KCNJ3: variants seen among roughly 807,000 people sequenced by gnomAD.
The protein encoded by KCNJ3 is G protein-activated inward rectifier potassium channel 1.
In KCNJ3, 4 loss-of-function variants were observed where a neutral mutation model predicts 39.2. The ratio of observed to expected loss-of-function variants is 0.10; its 90% CI spans 0.05 to 0.23. KCNJ3 has a LOEUF of 0.23. Among genes scored for constraint, KCNJ3 ranks in the 10% least tolerant of loss-of-function variants. KCNJ3 has a pLI of 1.00. For missense variants in KCNJ3, 276 were observed against 634.9 expected, an observed-to-expected ratio of 0.43 and a Z score of 6.08; for synonymous variants, 230 against 237.4, an observed-to-expected ratio of 0.97 and a Z score of 0.29.
chr2:154,850,008 C>CTTTT lies in KCNJ3; in HGVS notation c.920-4686_920-4683dup, dbSNP rs373062062. Among the ~76,000 whole-genome samples the CTTTT allele has an allele frequency of 2.6e-3, 125 of 48,854 alleles. 28 individuals carry two copies. Among genetic ancestry groups the CTTTT allele is most frequent in the African/African-American group, 8.6e-3 (107 of 12,498 alleles). The allele number at this position is 48,854 out of a possible 152,430, so 32.1% of individuals were successfully genotyped here. A position where few individuals can be genotyped will look rare whatever the true frequency, so the allele number is the denominator to read the frequency against. On this transcript the variant is annotated intron_variant, in intron 2 of 2. Transcript: ENST00000295101. Reference sequence around the variant, plus strand: ...TTGCAATGCAATGTACAGAATAAATCTTTTTTTTTTTTTTTTTTTTTTTTT... The same window carrying CTTTT: ...TTGCAATGCAATGTACAGAATAAATCTTTTTTTTTTTTTTTTTTTTTTTTTTTTT...
chr2:154,834,252 TATCTC>T (rs1333724953), intron 2 of KCNJ3, among the ~76,000 whole-genome samples: 5 of 152,192 alleles, frequency 3.3e-5, no homozygotes, highest in Non-Finnish European at 7.3e-5. Flanking sequence ...CATGTAATGA[TATCTC>T]ATTGTTTTAG....
intron 1 of KCNJ3, among the ~76,000 whole-genome samples, chr2:154,707,523 A>C (rs57319915): frequency 0.021 from 3,157 of 152,282 alleles, 111 homozygotes; most frequent in East Asian, 0.15. Context: ...AGCCTTTTAG[A>C]ATGAGGCACA....
At chr2:154,720,854 T>C (rs1685253953) in intron 2 of KCNJ3, among the ~76,000 whole-genome samples, 1 of 152,166 alleles carries the variant, frequency 6.6e-6, no homozygotes, top group Non-Finnish European at 1.5e-5. Flanking sequence ...TGCTCCTGAT[T>C]CAGCAGTTCC....
At chr2:154,767,677 C>T (rs933858399) in intron 2 of KCNJ3, among the ~76,000 whole-genome samples, 1 of 152,122 alleles carries the variant, frequency 6.6e-6, no homozygotes, top group Admixed American at 6.6e-5. Flanking sequence ...AGCAGCATGA[C>T]TTATAAACCT....
At chr2:154,810,060 T>G (rs1304191065) in intron 2 of KCNJ3, among the ~76,000 whole-genome samples, 1 of 116,288 alleles carries the variant, frequency 8.6e-6, no homozygotes, top group Non-Finnish European at 2.1e-5. Flanking sequence ...ATTAATATTG[T>G]TCCTCTCTCT....
At chr2:154,774,853 A>G (rs1406056041) in intron 2 of KCNJ3, among the ~76,000 whole-genome samples, 5 of 152,132 alleles carry the variant, frequency 3.3e-5, no homozygotes, top group African/African-American at 7.2e-5. Flanking sequence ...TTATCCTTCT[A>G]TTTTTGTTAA....
At chr2:154,771,625 C>A (rs1297671935) in intron 2 of KCNJ3, among the ~76,000 whole-genome samples, 1 of 152,138 alleles carries the variant, frequency 6.6e-6, no homozygotes, top group East Asian at 1.9e-4. Flanking sequence ...GCTCCTTAAA[C>A]TCTGGACCAG....
chr2:154,850,855 G>C (rs1018368829), intron 2 of KCNJ3, among the ~76,000 whole-genome samples: 1 of 152,172 alleles, frequency 6.6e-6, no homozygotes, highest in East Asian at 1.9e-4. Context: ...GGGTAGTTAA[G>C]TGGAAAATGT....
chr2:154,751,125 C>A (rs1380623978), intron 2 of KCNJ3, among the ~76,000 whole-genome samples: 1 of 151,764 alleles, frequency 6.6e-6, no homozygotes, highest in Non-Finnish European at 1.5e-5. Context: ...CAAATACCAC[C>A]TATTCCCCAA....
chr2:154,805,832 A>G (rs1686901053), intron 2 of KCNJ3, among the ~76,000 whole-genome samples: 1 of 152,150 alleles, frequency 6.6e-6, no homozygotes, highest in African/African-American at 2.4e-5. Flanking sequence ...AAAAAATTAT[A>G]TTTAGTGAGT....
At position 154,855,231 on chromosome 2, in the gene KCNJ3, A is replaced by C; in HGVS notation, c.1424A>C (p.Gln475Pro). 6.2e-7 allele frequency: 1 copy of C among 1,613,856 alleles called. No individual in the cohort carries two copies. Among genetic ancestry groups the C allele is most frequent in the Non-Finnish European group, 8.5e-7 (1 of 1,179,928 alleles). ...GTGGCTGATTTGCCACCAAAGCTTC[A>C]AAAGATGGCTGGAGGAGCAGCTAGG... ...QSVADLPPKL[Q>P]KMAGGAARME... Residue 475 changes from glutamine to proline, a missense_variant, in exon 3 of 3, where the codon CAA (glutamine) becomes CCA (proline). Physicochemically the swap from Gln to Pro is moderately conservative, Grantham distance 76 (BLOSUM62 -1). This residue lies in a region of KCNJ3 where 126 missense variants were observed against 179.8 expected (regional missense o/e 0.70). Coordinates refer to ENST00000295101, the MANE Select transcript of KCNJ3 (RefSeq NM_002239.4).
intron 2 of KCNJ3, among the ~76,000 whole-genome samples, chr2:154,817,880 C>T (rs1687108820): frequency 6.6e-6 from 1 of 152,108 alleles, no homozygotes; most frequent in Admixed American, 6.6e-5. Flanking sequence ...ATAAGTTTTG[C>T]CTTTATCCCA....
At chr2:154,751,712 A>T (rs1268449135) in intron 2 of KCNJ3, among the ~76,000 whole-genome samples, 1 of 152,102 alleles carries the variant, frequency 6.6e-6, no homozygotes, top group Non-Finnish European at 1.5e-5. Flanking sequence ...GGCTTAAGAA[A>T]TAGAAATTTG....
intron 2 of KCNJ3, among the ~76,000 whole-genome samples, chr2:154,777,127 T>C (rs1420779845): frequency 6.6e-6 from 1 of 152,124 alleles, no homozygotes; most frequent in Non-Finnish European, 1.5e-5. Context: ...AAATAGCAAA[T>C]CCAGCCTGCA....
intron 2 of KCNJ3, among the ~76,000 whole-genome samples, chr2:154,773,189 T>G (rs1686272166): frequency 6.6e-6 from 1 of 152,172 alleles, no homozygotes; most frequent in African/African-American, 2.4e-5. Flanking sequence ...TCAATTATTT[T>G]AATGCATTTA....
intron 2 of KCNJ3, among the ~76,000 whole-genome samples, chr2:154,741,536 T>C (rs976935571): frequency 5.3e-5 from 8 of 151,896 alleles, no homozygotes; most frequent in African/African-American, 1.7e-4. Context: ...GTTTTATTGT[T>C]TTTGGGATGT....
chr2:154,778,648 G>A (rs1487512940), intron 2 of KCNJ3, among the ~76,000 whole-genome samples: 1 of 152,066 alleles, frequency 6.6e-6, no homozygotes, highest in Non-Finnish European at 1.5e-5. Flanking sequence ...ATAGGTTTAG[G>A]AACTGAGATA....
At chr2:154,700,654 A>G (rs1234063852) in intron 1 of KCNJ3, among the ~76,000 whole-genome samples, 1 of 152,234 alleles carries the variant, frequency 6.6e-6, no homozygotes, top group East Asian at 1.9e-4. Context: ...TTCAATTTCC[A>G]ATCCACAAGT....
chr2:154,749,479 T>C (rs1685801064), intron 2 of KCNJ3, among the ~76,000 whole-genome samples: 1 of 152,092 alleles, frequency 6.6e-6, no homozygotes, highest in Admixed American at 6.6e-5. Flanking sequence ...AAAAGATTTT[T>C]TTCTTGCATG....
Sources: gnomAD v4.1 joint callset for allele counts (sites outside exome capture counted in the v4.1 genomes callset) on GRCh38, gnomAD v4.1.1 for gene constraint, gnomAD v4.1.1 regional missense constraint, MANE v1.5 for transcripts, NCBI Gene and HGNC (gene_info 2026-07-23, HGNC 2026-07-21) for gene names.